The following PDE4D variants were observed in gnomAD, a reference collection of about 807,000 sequenced individuals.
PDE4D encodes the protein 3',5'-cyclic-AMP phosphodiesterase 4D.
PDE4D carries 24 observed loss-of-function variants against 87.4 expected under a neutral mutation model. The observed-to-expected ratio is 0.27, with a 90% CI of 0.20 to 0.39. The LOEUF is 0.39. PDE4D is among the 10% of genes least tolerant of loss of function. The probability of loss-of-function intolerance (pLI) is 1.00; values close to 1 mark genes in which losing one functional copy is unlikely to be tolerated. For synonymous variants in PDE4D, 384 were observed against 383.2 expected, an observed-to-expected ratio of 1.00 and a Z score of -0.02; for missense variants, 714 against 1,041.0, an observed-to-expected ratio of 0.69 and a Z score of 4.32.
intron 1 of PDE4D, among the ~76,000 whole-genome samples, chr5:59,566,029 GCA>G (rs1317475285): frequency 2.0e-5 from 3 of 152,192 alleles, no homozygotes; most frequent in Non-Finnish European, 4.4e-5. Flanking sequence ...ACAAACACAT[GCA>G]TATGAGTGGG....
intron 2 of PDE4D, among the ~76,000 whole-genome samples, chr5:59,993,252 G>A (rs750833512): frequency 1.2e-4 from 19 of 152,106 alleles, no homozygotes; most frequent in Non-Finnish European, 2.2e-4. Flanking sequence ...TCATTCCAGT[G>A]CATATTAAAG....
At chr5:60,371,287 A>G (rs7702188) in intron 1 of PDE4D, among the ~76,000 whole-genome samples, 14,835 of 152,150 alleles carry the variant, frequency 0.098, 1,326 homozygotes, top group African/African-American at 0.24. Flanking sequence ...CATTCCCATG[A>G]CAGGTACATG....
chr5:59,426,449 C>G (rs2702369), intron 1 of PDE4D, among the ~76,000 whole-genome samples: 111,355 of 151,922 alleles, frequency 0.73, 41,508 homozygotes, highest in African/African-American at 0.87. Context: ...CTGATCCCAG[C>G]GATAATAGGG....
At position 59,856,845 on chromosome 5, in the gene PDE4D, CT is replaced by C. The variant is rs765826118; in HGVS notation, c.455+36322del. On this transcript the variant is annotated intron_variant, in intron 1 of 14. Transcript: ENST00000340635. ...ACATGAAAGCTAAAATGTTAGTCCT[CT>C]TTTTAAAATATTCTTTCAAAAGCTT... Among the ~76,000 whole-genome samples the C allele has an allele frequency of 1.5e-3, 230 of 152,244 alleles. 1 individual carries two copies. The highest frequency in any genetic ancestry group is 1.0e-3 in the Non-Finnish European group (68 of 68,010).
chr5:59,621,681 A>G (rs1370371246), intron 1 of PDE4D, among the ~76,000 whole-genome samples: 2 of 152,222 alleles, frequency 1.3e-5, no homozygotes, highest in East Asian at 3.8e-4. Context: ...GATCTTGGTT[A>G]TAAACAACAG....
At chr5:59,907,283 T>A (rs1752942068) in intron 3 of PDE4D, among the ~76,000 whole-genome samples, 1 of 152,150 alleles carries the variant, frequency 6.6e-6, no homozygotes, top group Non-Finnish European at 1.5e-5. Context: ...TTGAGCTTTT[T>A]TATTCTAATA....
At chr5:59,623,309 T>C (rs773412173) in intron 1 of PDE4D, among the ~76,000 whole-genome samples, 7 of 152,180 alleles carry the variant, frequency 4.6e-5, no homozygotes, top group Non-Finnish European at 1.0e-4. Flanking sequence ...ATCTGTGCTG[T>C]TCAATATTAG....
chr5:58,977,063 A>G (rs891375484), intron 12 of PDE4D, 128 bp downstream of exon 12: 1 of 825,288 alleles, frequency 1.2e-6, no homozygotes, highest in African/African-American at 1.7e-5. Context: ...GGCAGCTTCT[A>G]TAACATAAAG....
intron 1 of PDE4D, among the ~76,000 whole-genome samples, chr5:59,291,386 AACG>A (rs1257108414): frequency 6.6e-6 from 1 of 152,056 alleles, no homozygotes. Flanking sequence ...AATTAAAACA[AACG>A]AAGGAGATAG....
intron 2 of PDE4D, among the ~76,000 whole-genome samples, chr5:60,144,833 A>G (rs1389092893): frequency 6.6e-6 from 1 of 152,202 alleles, no homozygotes; most frequent in African/African-American, 2.4e-5. Flanking sequence ...TCCAGTGCAC[A>G]TAACAGGTAT....
intron 2 of PDE4D, among the ~76,000 whole-genome samples, chr5:60,028,179 G>A (rs1276756452): frequency 1.3e-5 from 2 of 152,198 alleles, no homozygotes; most frequent in South Asian, 2.1e-4. Flanking sequence ...ACTTATCACT[G>A]TCAGGCTGAT....
At chr5:60,161,932 A>C (rs186253852) in intron 2 of PDE4D, among the ~76,000 whole-genome samples, 58 of 152,246 alleles carry the variant, frequency 3.8e-4, no homozygotes, top group African/African-American at 1.3e-3. Context: ...ATACATCTTT[A>C]GTGGCAGAAC....
chr5:59,224,555 G>C (rs1245075502), intron 1 of PDE4D, among the ~76,000 whole-genome samples: 1 of 152,084 alleles, frequency 6.6e-6, no homozygotes, highest in Non-Finnish European at 1.5e-5. Flanking sequence ...ATGATAAAAG[G>C]CCAATTTTTC....
At chr5:60,108,937 G>C (rs1365104109) in intron 2 of PDE4D, among the ~76,000 whole-genome samples, 1 of 152,106 alleles carries the variant, frequency 6.6e-6, no homozygotes, top group East Asian at 1.9e-4. Flanking sequence ...TACCATTCAG[G>C]ACATAGGCAT....
At chr5:60,463,167 C>T (rs1747090259) in intron 1 of PDE4D, among the ~76,000 whole-genome samples, 2 of 152,104 alleles carry the variant, frequency 1.3e-5, no homozygotes, top group African/African-American at 4.8e-5. Context: ...TTCTGGAGCC[C>T]AGCCTGCACT....
At position 59,614,833 on chromosome 5, in the gene PDE4D, A is replaced by AT. The variant is rs769908305; in HGVS notation, c.455+278334dup. Among the ~76,000 whole-genome samples, 1,234 of 139,864 alleles carry AT rather than the reference A, an allele frequency of 8.8e-3. 9 individuals are homozygous for AT. Among genetic ancestry groups the AT allele is most frequent in the Middle Eastern group, 0.018 (5 of 274 alleles). The allele number at this position is 139,864 out of a possible 152,430, so 91.8% of individuals were successfully genotyped here. ...TTTAGTTATTCAAAATGTGGCTTTCATTTTTTTTTTTTTTTGGTGGTAGGG... is the reference window on the plus strand; with the variant it reads ...TTTAGTTATTCAAAATGTGGCTTTCATTTTTTTTTTTTTTTTGGTGGTAGGG... On this transcript the variant is annotated intron_variant, in intron 1 of 14. Transcript: ENST00000340635.
At chr5:58,978,539 T>C (rs1421596578) in intron 11 of PDE4D, among the ~76,000 whole-genome samples, 4 of 152,204 alleles carry the variant, frequency 2.6e-5, no homozygotes, top group Non-Finnish European at 5.9e-5. Flanking sequence ...TATCTTTTTT[T>C]AAGAAAGAAA....
chr5:60,112,703 C>T (rs1267991214), intron 2 of PDE4D, among the ~76,000 whole-genome samples: 1 of 152,086 alleles, frequency 6.6e-6, no homozygotes, highest in Non-Finnish European at 1.5e-5. Context: ...CTCAAGGTCA[C>T]TCTCTCAGGA....
intron 1 of PDE4D, among the ~76,000 whole-genome samples, chr5:59,877,163 C>T (rs567148611): frequency 6.6e-6 from 1 of 152,136 alleles, no homozygotes; most frequent in South Asian, 2.1e-4. Context: ...CCTAGAGAAA[C>T]AAGCAAAAGA....
Sources: allele counts gnomAD v4.1 joint callset (sites outside exome capture counted in the v4.1 genomes callset), GRCh38; gene constraint gnomAD v4.1.1; transcripts MANE v1.5; gene names NCBI Gene and HGNC (gene_info 2026-07-23, HGNC 2026-07-21).